Variants in PLCH1 observed in about 807,000 individuals in gnomAD.
PLCH1 encodes the protein 1-phosphatidylinositol 4,5-bisphosphate phosphodiesterase eta-1.
A neutral mutation model predicts 126.7 loss-of-function variants in PLCH1; 60 were observed. The observed-to-expected ratio is 0.47, with a 90% CI of 0.38 to 0.59. PLCH1 has a LOEUF of 0.59. Among genes scored for constraint, PLCH1 ranks in the 20% least tolerant of loss-of-function variants. The pLI, the probability that PLCH1 is intolerant of heterozygous loss-of-function variation, is 0.00. For synonymous variants in PLCH1, 719 were observed against 734.9 expected (o/e 0.98, Z 0.35); for missense variants, 1,723 against 2,040.0 (o/e 0.84, Z 2.99).
intron 21 of PLCH1, among the ~76,000 whole-genome samples, chr3:155,459,534 T>C: frequency 6.6e-6 from 1 of 152,116 alleles, no homozygotes; most frequent in East Asian, 1.9e-4. Context: ...TAAAGTAAAT[T>C]GAGTTAAAAT....
chr3:155,551,684 C>A (rs1258998467), intron 9 of PLCH1, among the ~76,000 whole-genome samples: 4 of 87,006 alleles, frequency 4.6e-5, no homozygotes, highest in East Asian at 3.1e-4. Context: ...AGCTCTCTAC[C>A]AAAAAAAAAA....
chr3:155,619,501 A>T (rs1272649755), intron 2 of PLCH1, among the ~76,000 whole-genome samples: 1 of 151,550 alleles, frequency 6.6e-6, no homozygotes, highest in African/African-American at 2.4e-5. Flanking sequence ...GAAAAAGTAA[A>T]AAAAAAAAAA....
chr3:155,529,184 C>A (rs1002253383), intron 10 of PLCH1, among the ~76,000 whole-genome samples: 4 of 152,166 alleles, frequency 2.6e-5, no homozygotes, highest in African/African-American at 9.7e-5. Context: ...AGAAGTTACA[C>A]TCTAGAATTA....
intron 2 of PLCH1, among the ~76,000 whole-genome samples, chr3:155,643,522 G>T (rs536960530): frequency 3.9e-5 from 6 of 152,270 alleles, no homozygotes; most frequent in South Asian, 4.1e-4. Flanking sequence ...AGGGTAATTT[G>T]TTGTCAGAAA....
chr3:155,655,887 A>C (rs1194882178), intron 2 of PLCH1, among the ~76,000 whole-genome samples: 1 of 152,180 alleles, frequency 6.6e-6, no homozygotes, highest in Non-Finnish European at 1.5e-5. Context: ...TTAAAATGCA[A>C]ATTCTTTGGA....
At chr3:155,576,978 C>A (rs1730048959) in intron 6 of PLCH1, among the ~76,000 whole-genome samples, 1 of 152,162 alleles carries the variant, frequency 6.6e-6, no homozygotes, top group African/African-American at 2.4e-5. Flanking sequence ...TCTATAATTT[C>A]ACCAGAAATA....
chr3:155,647,569 CAG>C (rs1432887779), intron 2 of PLCH1, among the ~76,000 whole-genome samples: 1 of 152,018 alleles, frequency 6.6e-6, no homozygotes, highest in Non-Finnish European at 1.5e-5. Context: ...GGAAAAAATA[CAG>C]AGTCTGAAGA....
chr3:155,636,826 G>A (rs920621015), intron 2 of PLCH1, among the ~76,000 whole-genome samples: 1 of 151,922 alleles, frequency 6.6e-6, no homozygotes, highest in South Asian at 2.1e-4. Context: ...TACAAAATGA[G>A]ATAAGTATGC....
chr3:155,572,940 G>T (rs1729421441), intron 6 of PLCH1, among the ~76,000 whole-genome samples: 1 of 152,056 alleles, frequency 6.6e-6, no homozygotes, highest in African/African-American at 2.4e-5. Context: ...TAGAGACAGG[G>T]TGTAGCTATG....
intron 6 of PLCH1, among the ~76,000 whole-genome samples, chr3:155,579,654 A>C (rs1472760837): frequency 6.6e-6 from 1 of 152,218 alleles, no homozygotes; most frequent in South Asian, 2.1e-4. Flanking sequence ...TGTTTAATGC[A>C]TTTAACTTTG....
intron 2 of PLCH1, among the ~76,000 whole-genome samples, chr3:155,621,440 A>T (rs1736481485): frequency 6.6e-6 from 1 of 152,176 alleles, no homozygotes; most frequent in African/African-American, 2.4e-5. Flanking sequence ...AGGCTTCAGA[A>T]GGTGAGTAAT....
chr3:155,513,275 A>G (rs888010062), intron 12 of PLCH1, among the ~76,000 whole-genome samples: 3 of 152,208 alleles, frequency 2.0e-5, no homozygotes, highest in Admixed American at 6.5e-5. Context: ...AACCTCAAAA[A>G]TAAGTAAAAA....
At chr3:155,664,147 G>C (rs1343680757) in intron 2 of PLCH1, among the ~76,000 whole-genome samples, 3 of 152,192 alleles carry the variant, frequency 2.0e-5, no homozygotes, top group Non-Finnish European at 2.9e-5. Context: ...ACTGGCAAAG[G>C]CAGCATAGTA....
chr3:155,625,955 T>C (rs1044628081), intron 2 of PLCH1, among the ~76,000 whole-genome samples: 1 of 152,172 alleles, frequency 6.6e-6, no homozygotes, highest in Non-Finnish European at 1.5e-5. Flanking sequence ...CTTTTCACAA[T>C]AGCAAAGACT....
intron 2 of PLCH1, among the ~76,000 whole-genome samples, chr3:155,603,896 G>A (rs925968): frequency 0.19 from 28,888 of 151,790 alleles, 3,552 homozygotes; most frequent in African/African-American, 0.35. Context: ...CCACAAGTTC[G>A]AGACCAGCCA....
chr3:155,496,945 T>C (rs1717124963), intron 15 of PLCH1, among the ~76,000 whole-genome samples: 1 of 152,244 alleles, frequency 6.6e-6, no homozygotes, highest in African/African-American at 2.4e-5. Flanking sequence ...AGCCAATTAA[T>C]TTCTTCTTTT....
At chr3:155,623,941 C>A (rs780112911) in intron 2 of PLCH1, among the ~76,000 whole-genome samples, 1 of 152,020 alleles carries the variant, frequency 6.6e-6, no homozygotes, top group Admixed American at 6.6e-5. Context: ...GGCAGAGACA[C>A]AACAAAAAAA....
intron 2 of PLCH1, among the ~76,000 whole-genome samples, chr3:155,696,781 TAA>T (rs1745846745): frequency 6.6e-6 from 1 of 152,116 alleles, no homozygotes; most frequent in Non-Finnish European, 1.5e-5. Flanking sequence ...TTCCCAAGCA[TAA>T]AGGAATAAAA....
chr3:155,522,056 T>C (rs1721172181), intron 11 of PLCH1, among the ~76,000 whole-genome samples: 1 of 152,190 alleles, frequency 6.6e-6, no homozygotes, highest in Non-Finnish European at 1.5e-5. Flanking sequence ...ATTTTTTGCA[T>C]AACTACATAT....
Sources: gnomAD v4.1 joint callset for allele counts (sites outside exome capture counted in the v4.1 genomes callset) on GRCh38, gnomAD v4.1.1 for gene constraint, MANE v1.5 for transcripts, NCBI Gene and HGNC (gene_info 2026-07-23, HGNC 2026-07-21) for gene names.